Variants in TRPA1 observed in about 807,000 individuals in gnomAD.
The protein encoded by TRPA1 is ankyrin-like with transmembrane domains 1.
In TRPA1, 129 loss-of-function variants were observed where a neutral mutation model predicts 131.3. The ratio of observed to expected loss-of-function variants is 0.98; its 90% CI spans 0.85 to 1.14. The LOEUF (loss-of-function observed/expected upper bound fraction) is 1.14, where lower values mean the gene tolerates loss of function less well. TRPA1 is among the 50% of genes most tolerant of loss of function. TRPA1 has a pLI of 0.00. For synonymous variants in TRPA1, 441 were observed against 451.7 expected (o/e 0.98, Z 0.30); for missense variants, 1,304 against 1,354.2 (o/e 0.96, Z 0.58).
At chr8:72,073,145 A>G (rs1032495032) in intron 1 of TRPA1, among the ~76,000 whole-genome samples, 1 of 152,226 alleles carries the variant, frequency 6.6e-6, no homozygotes, top group Non-Finnish European at 1.5e-5. Context: ...GCTAATTCTA[A>G]CTAAACCCTT....
rs377360418 is a variant in TRPA1 at position 72,023,857 on chromosome 8, C to A, written c.3106G>T (p.Ala1036Ser). 1 of 1,596,290 alleles carries A rather than the reference C, an allele frequency of 6.3e-7. No individual in the cohort carries two copies. Among genetic ancestry groups the A allele is most frequent in the African/African-American group, 1.3e-5 (1 of 74,626 alleles). The change falls in exon 26 of 27, where the codon GCT becomes TCT. Residue 1036 changes from alanine to serine, a missense_variant. Transcript: ENST00000262209. ...TGEIRQEIPN[A>S]DKSLEMEILK... ...ATTTCCATTTCTAAAGATTTATCAG[C>A]ATTTGGTATTTCTTGTCTTATTTCC...
chr8:72,089,330 C>T, the TRPA1 span, among the ~76,000 whole-genome samples: 36 of 151,976 alleles, frequency 2.4e-4, no homozygotes, highest in East Asian at 6.2e-3. Context: ...TTCTATGGTG[C>T]AACTTTCCTT....
At chr8:72,025,632 G>A (rs1811573222) in intron 25 of TRPA1, among the ~76,000 whole-genome samples, 1 of 152,114 alleles carries the variant, frequency 6.6e-6, no homozygotes, top group African/African-American at 2.4e-5. Flanking sequence ...ATGTGACTAG[G>A]AAAAGCAAAT....
Position 72,075,229 on chromosome 8 carries a change from C to A in TRPA1, c.111+70G>T, listed in dbSNP as rs981721703. On this transcript the variant is annotated intron_variant, in intron 1 of 26. Transcript: ENST00000262209. ...GCTTTCTCCAAACCAAGGGCTGCCC[C>A]CAAGGAAACCTCCAGCCGACCCCCG... is the stretch of plus-strand genomic sequence containing the variant. The A allele has an allele frequency of 2.4e-6, 3 of 1,231,698 alleles. No homozygotes were observed. The East Asian group carries it at 6.9e-5, about 29-fold the overall frequency. 76.3% of individuals were successfully genotyped at this position (1,231,698 alleles called of 1,614,324 possible).
At chr8:72,064,072 T>G (rs1485017496) in intron 4 of TRPA1, among the ~76,000 whole-genome samples, 2 of 152,134 alleles carry the variant, frequency 1.3e-5, no homozygotes, top group African/African-American at 2.4e-5. Context: ...TATGTTTTCA[T>G]GTGATCCAAT....
intron 15 of TRPA1, among the ~76,000 whole-genome samples, chr8:72,050,483 C>T (rs1446901822): frequency 6.6e-6 from 1 of 152,080 alleles, no homozygotes; most frequent in Non-Finnish European, 1.5e-5. Flanking sequence ...GCATGCCAAG[C>T]GAAACATATA....
At chr8:72,086,691 C>A in the TRPA1 span, among the ~76,000 whole-genome samples, 6 of 151,868 alleles carry the variant, frequency 4.0e-5, no homozygotes, top group Non-Finnish European at 8.8e-5. Flanking sequence ...TTTTTATATT[C>A]CTTCTTGGTA....
rs752710470 is a variant in TRPA1 at position 72,075,382 on chromosome 8, G to T, written c.28C>A (p.Arg10Ser). 3.1e-6 allele frequency: 5 copies of T among 1,610,552 alleles called. No individual in the cohort carries two copies. Among genetic ancestry groups the T allele is most frequent in the South Asian group, 2.2e-5 (2 of 91,000 alleles). MKRSLRKMWRPGEKKEPQGV... is the reference protein window; with the variant it reads MKRSLRKMWSPGEKKEPQGV... ...TGGGGCTCCTTCTTTTCTCCAGGGCGCCACATCTTCCTCAGGCTGCGCTTC... is the reference window on the plus strand; with the variant it reads ...TGGGGCTCCTTCTTTTCTCCAGGGCTCCACATCTTCCTCAGGCTGCGCTTC... The change falls in exon 1 of 27, where the codon CGC becomes AGC. Residue 10 changes from arginine to serine, a missense_variant. Coordinates refer to ENST00000262209, the MANE Select transcript of TRPA1 (RefSeq NM_007332.3).
intron 1 of TRPA1, among the ~76,000 whole-genome samples, chr8:72,072,653 A>G (rs777793291): frequency 1.1e-4 from 16 of 152,216 alleles, no homozygotes; most frequent in Non-Finnish European, 2.2e-4. Context: ...ATCTTTTTCC[A>G]TGTCTCATCC....
At chr8:72,053,718 A>G (rs1450747611) in intron 13 of TRPA1, 35 bp downstream of exon 13, 3 of 1,497,300 alleles carry the variant, frequency 2.0e-6, no homozygotes, top group Non-Finnish European at 2.8e-6. Context: ...TGCTATATTG[A>G]GATTTTGGGT....
the TRPA1 span, among the ~76,000 whole-genome samples, chr8:72,087,631 A>AAT: frequency 0.42 from 60,892 of 146,194 alleles, 12,764 homozygotes; most frequent in African/African-American, 0.44. Flanking sequence ...GGATCTATCA[A>AAT]ATATATATAT....
At chr8:72,024,005 T>C in intron 25 of TRPA1, 94 bp from the exon 26 acceptor site, 1 of 790,610 alleles carries the variant, frequency 1.3e-6, no homozygotes, top group Non-Finnish European at 2.3e-6. Context: ...CTGGTACCAA[T>C]ATGCATAAGG....
intron 23 of TRPA1, among the ~76,000 whole-genome samples, chr8:72,032,232 A>G (rs577431850): frequency 4.7e-4 from 71 of 152,340 alleles, no homozygotes; most frequent in African/African-American, 1.6e-3. Flanking sequence ...TATTTTTAAA[A>G]GCCACTGATG....
Position 72,022,613 on chromosome 8 carries a change from A to G in TRPA1, c.*293T>C, listed in dbSNP as rs1366447791. ...TTACATTTATTACTTCTTTTCATTA[A>G]AAATGTGTGTTCTAGCAAATTCATT... On this transcript the variant is annotated 3_prime_UTR_variant, in exon 27 of 27. Coordinates refer to ENST00000262209, the MANE Select transcript of TRPA1 (RefSeq NM_007332.3). 2.1e-6 allele frequency: 1 copy of G among 477,986 alleles called. No individual in the cohort carries two copies. The highest frequency in any genetic ancestry group is 4.0e-5 in the East Asian group (1 of 24,716). 29.6% of individuals were successfully genotyped at this position (477,986 alleles called of 1,614,324 possible).
chr8:72,055,371 GA>G (rs952584595), intron 12 of TRPA1, 64 bp downstream of exon 12: 1 of 1,384,096 alleles, frequency 7.2e-7, no homozygotes, highest in African/African-American at 1.4e-5. Context: ...AAAATATAAT[GA>G]AAAGATAGCC....
chr8:72,041,833 T>A (rs1396804429), intron 17 of TRPA1, among the ~76,000 whole-genome samples: 1 of 151,330 alleles, frequency 6.6e-6, no homozygotes, highest in African/African-American at 2.4e-5. Context: ...AAACCTAAGA[T>A]TAGCAAAATG....
chr8:72,071,167 C>T (rs887299054), intron 2 of TRPA1, among the ~76,000 whole-genome samples: 5 of 152,160 alleles, frequency 3.3e-5, no homozygotes, highest in Non-Finnish European at 1.5e-5. Flanking sequence ...TTTAGCTTGG[C>T]TTCCACTTCT....
rs541408481 is a variant in TRPA1, at chr8:72,021,332, T to C, written c.*1574A>G. ...TCACATTCTTGGCACTCAGTGAATGTTGACTGAGATCTATATTGTGCAATG... is the reference window on the plus strand; with the variant it reads ...TCACATTCTTGGCACTCAGTGAATGCTGACTGAGATCTATATTGTGCAATG... On this transcript the variant is annotated 3_prime_UTR_variant, in exon 27 of 27. Coordinates refer to ENST00000262209, the MANE Select transcript of TRPA1 (RefSeq NM_007332.3). The C allele has an allele frequency of 2.0e-5, 3 of 152,284 alleles. No individual in the cohort carries two copies. The East Asian group carries it at 5.8e-4, about 29-fold the overall frequency. The allele number at this position is 152,284 out of a possible 1,614,324, so 9.4% of individuals were successfully genotyped here. A position where few individuals can be genotyped will look rare whatever the true frequency, so the allele number is the denominator to read the frequency against.
intron 10 of TRPA1, chr8:72,056,239 T>C (rs1356788176): frequency 7.5e-6 from 2 of 266,206 alleles, no homozygotes; most frequent in East Asian, 1.8e-4. Context: ...TATGTTCTGT[T>C]AGGTAAAATG....
Sources: allele counts gnomAD v4.1 joint callset (sites outside exome capture counted in the v4.1 genomes callset), GRCh38; gene constraint gnomAD v4.1.1; transcripts MANE v1.5; gene names NCBI Gene and HGNC (gene_info 2026-07-23, HGNC 2026-07-21).